NPTX1: variants seen among roughly 807,000 people sequenced by gnomAD.
NPTX1 encodes neuronal pentraxin 1, also known as neuronal pentraxin-1.
A neutral mutation model predicts 38.7 loss-of-function variants in NPTX1; 12 were observed. The ratio of observed to expected loss-of-function variants is 0.31; its 90% CI spans 0.20 to 0.50. The LOEUF is 0.50. Among genes scored for constraint, NPTX1 ranks in the 20% least tolerant of loss-of-function variants. The pLI, the probability that NPTX1 is intolerant of heterozygous loss-of-function variation, is 0.98. For missense variants in NPTX1, 454 were observed against 592.2 expected (o/e 0.77, Z 2.42); for synonymous variants, 272 against 264.9 (o/e 1.03, Z -0.26).
At chr17:80,471,982 C>A in intron 3 of NPTX1, 71 bp from the exon 4 acceptor site, 2 of 1,354,148 alleles carry the variant, frequency 1.5e-6, no homozygotes, top group Non-Finnish European at 2.0e-6. Context: ...ATCTTCACTG[C>A]CTCAGTTGTT....
rs1599508687 is a variant in NPTX1 at position 80,476,136 on chromosome 17, G to T, written c.311C>A (p.Ala104Glu). ...GCCGGGCTGCTTGCGGCCGCCGCCCGCCCGGGCCTCGCCGGCTCCGGGGTC... is the reference window on the plus strand; with the variant it reads ...GCCGGGCTGCTTGCGGCCGCCGCCCTCCCGGGCCTCGCCGGCTCCGGGGTC... ...TLDPGAGEAR[A>E]GGGRKQPGSG... Residue 104 changes from alanine to glutamate, a missense_variant, in exon 1 of 5, where the codon GCG becomes GAG. By Grantham distance (107) the Ala-to-Glu change is moderately radical. Around this residue, in one of 4 missense-constraint regions of NPTX1, gnomAD observed 288 missense variants for 318.4 expected, o/e 0.90. Transcript: ENST00000306773. The surrounding 1 kb of genome is among the most constrained non-coding windows in gnomAD (Gnocchi z 6.3). 6.3e-7 allele frequency: 1 copy of T among 1,597,886 alleles called. No individual in the cohort carries two copies.
rs1599509028 is a variant in NPTX1 at position 80,476,462 on chromosome 17, G to A, written c.-16C>T. The A allele has an allele frequency of 2.4e-6, 3 of 1,228,898 alleles. No homozygotes were observed. The highest frequency in any genetic ancestry group is 3.0e-6 in the Non-Finnish European group (3 of 988,530). The allele number at this position is 1,228,898 out of a possible 1,614,324, so 76.1% of individuals were successfully genotyped here. A position where few individuals can be genotyped will look rare whatever the true frequency, so the allele number is the denominator to read the frequency against. ...CGGCCGGCATGGCTGCGGGCACCGG[G>A]CGCTCCGGGCCCGGCTCGGCTCGGC... On this transcript the variant is annotated 5_prime_UTR_variant, in exon 1 of 5. Coordinates refer to ENST00000306773, the MANE Select transcript of NPTX1 (RefSeq NM_002522.4). This position sits in a 1 kb window ranked among gnomAD's most constrained non-coding sequence, Gnocchi z 6.3.
Position 80,473,356 on chromosome 17 carries a change from C to T in NPTX1, c.741G>A (p.Leu247=). 3 of 1,614,096 alleles carry T rather than the reference C, an allele frequency of 1.9e-6. No individual in the cohort carries two copies. Among genetic ancestry groups the T allele is most frequent in the East Asian group, 2.2e-5 (1 of 44,874 alleles). Residue 247 remains leucine, a synonymous_variant, in exon 3 of 5, where the codon CTG becomes CTA. Coordinates refer to ENST00000306773, the MANE Select transcript of NPTX1 (RefSeq NM_002522.4). The part of the protein sequence containing the change: ...NYMYAKVKKS[L]PEMYAFTVCM... ...AGACAGTGAAGGCGTACATCTCTGG[C>T]AGGCTCTTCTTCACCTTGGCATACA...
chr17:80,476,572 C>G lies in NPTX1; in HGVS notation c.-126G>C. The G allele has an allele frequency of 3.0e-6, 1 of 328,344 alleles. No individual in the cohort carries two copies. Among genetic ancestry groups the G allele is most frequent in the Non-Finnish European group, 4.4e-6 (1 of 227,796 alleles). 20.3% of individuals were successfully genotyped at this position (328,344 alleles called of 1,614,324 possible). ...CTGGGCGCCGCGCTCTTCGGCCGCG[C>G]GGTCCACACCGCCGCGCTATCAGGC... is the stretch of plus-strand genomic sequence containing the variant. On this transcript the variant is annotated 5_prime_UTR_variant, in exon 1 of 5. Transcript: ENST00000306773. The surrounding 1 kb of genome is among the most constrained non-coding windows in gnomAD (Gnocchi z 6.3).
At chr17:80,472,959 C>T (rs2083850369) in intron 3 of NPTX1, among the ~76,000 whole-genome samples, 2 of 152,218 alleles carry the variant, frequency 1.3e-5, no homozygotes, top group African/African-American at 4.8e-5. Flanking sequence ...CGCCATCTCC[C>T]GTACCCACCC....
Position 80,467,115 on chromosome 17 carries a change from T to C in NPTX1, c.*3698A>G, listed in dbSNP as rs2083809676. The C allele has an allele frequency of 7.4e-6, 1 of 134,760 alleles. No homozygotes were observed. The highest frequency in any genetic ancestry group is 2.8e-5 in the African/African-American group (1 of 35,778). The allele number at this position is 134,760 out of a possible 1,614,324, so 8.3% of individuals were successfully genotyped here. A position where few individuals can be genotyped will look rare whatever the true frequency, so the allele number is the denominator to read the frequency against. ...ATATACATTATAACAATATCAACCA[T>C]AGGGGGTTTGCTTTTTTTTTTTTTT... is the stretch of plus-strand genomic sequence containing the variant. On this transcript the variant is annotated 3_prime_UTR_variant, in exon 5 of 5. Coordinates refer to ENST00000306773, the MANE Select transcript of NPTX1 (RefSeq NM_002522.4).
rs1425552456 is a variant in NPTX1, at chr17:80,467,353, G to T, written c.*3460C>A. The stretch of plus-strand genomic sequence containing the variant: ...CATTTGGTTGCCATAAGATTCCAAA[G>T]GATTCTATCCTCTTAATGTGAACCA... On this transcript the variant is annotated 3_prime_UTR_variant, in exon 5 of 5. Transcript: ENST00000306773. 1 of 152,512 alleles carries T rather than the reference G, an allele frequency of 6.6e-6. No individual in the cohort carries two copies. Among genetic ancestry groups the T allele is most frequent in the Non-Finnish European group, 1.5e-5 (1 of 68,016 alleles). 9.4% of individuals were successfully genotyped at this position (152,512 alleles called of 1,614,324 possible).
rs1282892976 is a variant in NPTX1 at position 80,469,133 on chromosome 17, G to C, written c.*1680C>G. 1 of 152,530 alleles carries C rather than the reference G, an allele frequency of 6.6e-6. No individual in the cohort carries two copies. Among genetic ancestry groups the C allele is most frequent in the Non-Finnish European group, 1.5e-5 (1 of 68,046 alleles). The allele number at this position is 152,530 out of a possible 1,614,324, so 9.4% of individuals were successfully genotyped here. ...ACGTGGACCTGTGTTTAAGGGGACA[G>C]GTGGCCCTAGAAGGAACAGAAGACA... On this transcript the variant is annotated 3_prime_UTR_variant, in exon 5 of 5. Transcript: ENST00000306773.
At chr17:80,472,912 C>G (rs959484157) in intron 3 of NPTX1, among the ~76,000 whole-genome samples, 8 of 152,222 alleles carry the variant, frequency 5.3e-5, no homozygotes, top group African/African-American at 1.9e-4. Flanking sequence ...GTCCAGATCA[C>G]ATCATCGGGC....
intron 3 of NPTX1, 118 bp downstream of exon 3, chr17:80,473,082 C>A: frequency 7.1e-5 from 80 of 1,128,152 alleles, no homozygotes; most frequent in Non-Finnish European, 8.7e-5. Flanking sequence ...ACCTGGCAAA[C>A]ACTTTCCTTG....
rs1213111530 is a variant in NPTX1, at chr17:80,475,298, C to T, written c.652+213G>A. On this transcript the variant is annotated intron_variant, in intron 2 of 4. Transcript: ENST00000306773. The surrounding 1 kb of genome is among the most constrained non-coding windows in gnomAD (Gnocchi z 6.5). ...GCAATCCCCTTTCCCAGAGACAGCC[C>T]CAGCCCAAGGCACCCAGCCCTGATA... 6.6e-6 allele frequency among the ~76,000 whole-genome samples: 1 copy of T among 152,156 alleles called. No homozygotes were observed. The highest frequency in any genetic ancestry group is 1.5e-5 in the Non-Finnish European group (1 of 68,028).
chr17:80,475,433 G>T lies in NPTX1; in HGVS notation c.652+78C>A. Reference sequence around the variant, plus strand: ...TGAGGCTTGCACAGTGCAGAGCTGGGCTGTTAGGGATCGGGACCGAGGCAG... The same window carrying T: ...TGAGGCTTGCACAGTGCAGAGCTGGTCTGTTAGGGATCGGGACCGAGGCAG... On this transcript the variant is annotated intron_variant, in intron 2 of 4. Coordinates refer to ENST00000306773, the MANE Select transcript of NPTX1 (RefSeq NM_002522.4). This position sits in a 1 kb window ranked among gnomAD's most constrained non-coding sequence, Gnocchi z 6.5. 1.9e-6 allele frequency: 2 copies of T among 1,036,388 alleles called. No homozygotes were observed. Among genetic ancestry groups the T allele is most frequent in the Non-Finnish European group, 2.7e-6 (2 of 732,460 alleles). 64.2% of individuals were successfully genotyped at this position (1,036,388 alleles called of 1,614,324 possible). A position where few individuals can be genotyped will look rare whatever the true frequency, so the allele number is the denominator to read the frequency against.
Position 80,476,484 on chromosome 17 carries a change from C to A in NPTX1, c.-38G>T. ...CGGGCGCTCCGGGCCCGGCTCGGCT[C>A]GGCTGGGGCTCGGCTCCGGCTGGGA... On this transcript the variant is annotated 5_prime_UTR_variant, in exon 1 of 5. Transcript: ENST00000306773. This position sits in a 1 kb window ranked among gnomAD's most constrained non-coding sequence, Gnocchi z 6.3. 1.8e-6 allele frequency: 2 copies of A among 1,141,174 alleles called. No homozygotes were observed. The highest frequency in any genetic ancestry group is 4.3e-5 in the South Asian group (1 of 23,526). The allele number at this position is 1,141,174 out of a possible 1,614,324, so 70.7% of individuals were successfully genotyped here.
intron 4 of NPTX1, among the ~76,000 whole-genome samples, chr17:80,471,502 G>A (rs141838765): frequency 6.6e-6 from 1 of 152,348 alleles, no homozygotes; most frequent in African/African-American, 2.4e-5. Flanking sequence ...GCCTTCCCAT[G>A]CCAAAGAAAG....
Position 80,468,479 on chromosome 17 carries a change from G to A in NPTX1, c.*2334C>T, listed in dbSNP as rs993962031. The A allele has an allele frequency of 2.6e-5, 4 of 152,336 alleles. No individual in the cohort carries two copies. The highest frequency in any genetic ancestry group is 1.3e-4 in the Admixed American group (2 of 15,290). The allele number at this position is 152,336 out of a possible 1,614,324, so 9.4% of individuals were successfully genotyped here. ...CGGGGCTGGCCGGAGGTGCTGGCAG[G>A]GGAGCACCCCACACAGCCCGCACCG... is the stretch of plus-strand genomic sequence containing the variant. On this transcript the variant is annotated 3_prime_UTR_variant, in exon 5 of 5. Transcript: ENST00000306773.
rs898466013 is a variant in NPTX1, at chr17:80,469,773, C to T, written c.*1040G>A. On this transcript the variant is annotated 3_prime_UTR_variant, in exon 5 of 5. Coordinates refer to ENST00000306773, the MANE Select transcript of NPTX1 (RefSeq NM_002522.4). ...TCCCAGTGGCCCCATGTGGCCAGGT[C>T]TTCATCGAAACACGGCTTCTTTCCT... The T allele has an allele frequency of 1.1e-4, 16 of 152,326 alleles. No homozygotes were observed. Among genetic ancestry groups the T allele is most frequent in the Non-Finnish European group, 2.2e-4 (15 of 68,084 alleles). 9.4% of individuals were successfully genotyped at this position (152,326 alleles called of 1,614,324 possible).
intron 3 of NPTX1, among the ~76,000 whole-genome samples, chr17:80,472,559 T>C (rs919376484): frequency 2.6e-5 from 4 of 152,122 alleles, no homozygotes; most frequent in African/African-American, 9.7e-5. Context: ...GCACAGCCCT[T>C]TGTGGGGAAG....
At chr17:80,472,136 C>A (rs1159170171) in intron 3 of NPTX1, among the ~76,000 whole-genome samples, 1 of 152,234 alleles carries the variant, frequency 6.6e-6, no homozygotes, top group Non-Finnish European at 1.5e-5. Context: ...CCGAGGGAAC[C>A]CCCAAGGGCC....
Position 80,475,937 on chromosome 17 carries a change from G to T in NPTX1, c.444+66C>A. 7.4e-7 allele frequency: 1 copy of T among 1,347,696 alleles called. No homozygotes were observed. The highest frequency in any genetic ancestry group is 1.0e-6 in the Non-Finnish European group (1 of 969,408). The allele number at this position is 1,347,696 out of a possible 1,614,324, so 83.5% of individuals were successfully genotyped here. A position where few individuals can be genotyped will look rare whatever the true frequency, so the allele number is the denominator to read the frequency against. On this transcript the variant is annotated intron_variant, in intron 1 of 4. Transcript: ENST00000306773. This position sits in a 1 kb window ranked among gnomAD's most constrained non-coding sequence, Gnocchi z 6.5. ...GGGGATGCCTGGCCGGGTAGGGAAC[G>T]GGGTGGGGGAGGGCAGAGGGGCGAG...
Sources: allele counts gnomAD v4.1 joint callset (sites outside exome capture counted in the v4.1 genomes callset), GRCh38; gene constraint gnomAD v4.1.1; regional missense constraint gnomAD v4.1.1; non-coding constraint Gnocchi (gnomAD v3.1); transcripts MANE v1.5; gene names NCBI Gene and HGNC (gene_info 2026-07-23, HGNC 2026-07-21).